Variants in MPP7 observed in about 807,000 individuals in gnomAD.
The protein encoded by MPP7 is MAGUK p55 subfamily member 7.
In MPP7, 60 loss-of-function variants were observed where a neutral mutation model predicts 76.5. The ratio of observed to expected loss-of-function variants is 0.78; its 90% CI spans 0.64 to 0.97. The LOEUF is 0.97. Among genes scored for constraint, MPP7 ranks in the 50% least tolerant of loss-of-function variants. The probability of loss-of-function intolerance (pLI) is 0.00; values close to 1 mark genes in which losing one functional copy is unlikely to be tolerated. For missense variants in MPP7, 641 were observed against 694.0 expected, an observed-to-expected ratio of 0.92 and a Z score of 0.86; for synonymous variants, 237 against 244.5, an observed-to-expected ratio of 0.97 and a Z score of 0.29.
intron 7 of MPP7, among the ~76,000 whole-genome samples, chr10:28,124,774 C>G: frequency 6.6e-6 from 1 of 152,244 alleles, no homozygotes; most frequent in Middle Eastern, 3.4e-3. Context: ...TGAGCCACCA[C>G]GCCCGGCCCA....
chr10:28,233,862 C>T (rs767958124), intron 2 of MPP7, among the ~76,000 whole-genome samples: 63 of 151,202 alleles, frequency 4.2e-4, no homozygotes, highest in Non-Finnish European at 8.5e-4. Flanking sequence ...CACAGGGTAC[C>T]CCATCTCTAC....
chr10:28,327,766 A>T (rs1564773915), intron 2 of MPP7, among the ~76,000 whole-genome samples: 1 of 152,224 alleles, frequency 6.6e-6, no homozygotes, highest in Non-Finnish European at 1.5e-5. Context: ...TGCTCAGCAC[A>T]CTAGCAGCTA....
At chr10:28,233,425 C>T (rs947119860) in intron 2 of MPP7, among the ~76,000 whole-genome samples, 107 of 152,028 alleles carry the variant, frequency 7.0e-4, no homozygotes, top group African/African-American at 2.5e-3. Flanking sequence ...AACAACACTC[C>T]GGCCGGGCGC....
rs558816840 is a variant in MPP7 at position 28,106,119 on chromosome 10, C to G, written c.952+13532G>C. ...TTCCAAAGAAATAATTTTGCTGGGCCATGGGATATCTGTATGCTTAACTTC... is the reference window on the plus strand; with the variant it reads ...TTCCAAAGAAATAATTTTGCTGGGCGATGGGATATCTGTATGCTTAACTTC... On this transcript the variant is annotated intron_variant, in intron 11 of 16. Transcript: ENST00000683449. Among the ~76,000 whole-genome samples, 39 of 152,284 alleles carry G rather than the reference C, an allele frequency of 2.6e-4. 1 individual carries two copies. The South Asian group carries it at 7.9e-3, about 31-fold the overall frequency.
intron 1 of MPP7, among the ~76,000 whole-genome samples, chr10:28,257,537 T>G (rs530482697): frequency 1.4e-4 from 19 of 136,794 alleles, no homozygotes; most frequent in Non-Finnish European, 2.6e-4. Context: ...TAGGTGGGAA[T>G]TGAACAATGA....
chr10:28,264,396 G>C (rs904670442), intron 1 of MPP7, among the ~76,000 whole-genome samples: 2 of 152,054 alleles, frequency 1.3e-5, no homozygotes, highest in African/African-American at 2.4e-5. Flanking sequence ...AAGGAAAAAT[G>C]CAAGAAATCT....
At chr10:28,288,592 A>AT (rs1322475769) in intron 1 of MPP7, among the ~76,000 whole-genome samples, 1 of 152,090 alleles carries the variant, frequency 6.6e-6, no homozygotes, top group African/African-American at 2.4e-5. Context: ...TCCCACTTAT[A>AT]TTTCTAATAT....
rs138306017 is a variant in MPP7, at chr10:28,298,088, T to C, written c.-132+4773A>G. 8.5e-4 allele frequency among the ~76,000 whole-genome samples: 130 copies of C among 152,352 alleles called. 2 individuals carry two copies. Among genetic ancestry groups the C allele is most frequent in the African/African-American group, 2.9e-3 (119 of 41,576 alleles). ...GCAGGTACTTCTTCCACTGAAGTCT[T>C]GAACCCCTCAAAGTCATCCATGAGA... On this transcript the variant is annotated intron_variant, in intron 1 of 16. Transcript: ENST00000683449.
chr10:28,109,745 C>T (rs1265116701), intron 11 of MPP7, among the ~76,000 whole-genome samples: 3 of 145,956 alleles, frequency 2.1e-5, no homozygotes, highest in Admixed American at 7.0e-5. Flanking sequence ...ATAGGTTCCA[C>T]TGTTGTTACC....
At chr10:28,156,405 G>A (rs968420377) in intron 3 of MPP7, among the ~76,000 whole-genome samples, 2 of 152,160 alleles carry the variant, frequency 1.3e-5, no homozygotes, top group African/African-American at 2.4e-5. Flanking sequence ...ACCATGTCGT[G>A]TATACATATG....
chr10:28,192,751 T>G (rs2133951227), intron 3 of MPP7, among the ~76,000 whole-genome samples: 1 of 152,324 alleles, frequency 6.6e-6, no homozygotes, highest in African/African-American at 2.4e-5. Flanking sequence ...GCAGATTATT[T>G]TGTGGATATG....
chr10:28,180,892 A>T (rs1837037273), intron 3 of MPP7, among the ~76,000 whole-genome samples: 1 of 152,204 alleles, frequency 6.6e-6, no homozygotes. Context: ...TATTGACTAA[A>T]CAAGTCATGT....
At chr10:28,199,174 C>A (rs1251022182) in intron 3 of MPP7, among the ~76,000 whole-genome samples, 1 of 151,954 alleles carries the variant, frequency 6.6e-6, no homozygotes, top group East Asian at 1.9e-4. Flanking sequence ...TGAGGGAAAC[C>A]ACCCCCCACG....
In MPP7 at chr10:28,150,025, C is replaced by A; in HGVS notation, c.191G>T (p.Ser64Ile). The A allele has an allele frequency of 6.2e-7, 1 of 1,613,714 alleles. No individual in the cohort carries two copies. The highest frequency in any genetic ancestry group is 8.5e-7 in the Non-Finnish European group (1 of 1,179,892). ...HEKLHYYEKQ[S>I]PVPILHGAAA... Reference sequence around the variant, plus strand: ...CGCACCATGGAGAATGGGCACCGGACTCTGCTTCTCATAGTAGTGTAGTTT... The same window carrying A: ...CGCACCATGGAGAATGGGCACCGGAATCTGCTTCTCATAGTAGTGTAGTTT... The change falls in exon 4 of 17, where the codon AGT becomes ATT. Residue 64 changes from serine to isoleucine, a missense_variant. Transcript: ENST00000683449.
Position 28,295,440 on chromosome 10 carries a change from C to A in MPP7, c.-132+7421G>T, listed in dbSNP as rs1354629941. On this transcript the variant is annotated intron_variant, in intron 1 of 16. Transcript: ENST00000683449. Reference sequence around the variant, plus strand: ...AAGCCATAATAGGAAGAGAAAAAAACAATATTTTGAATATCAGCAGAAGCT... The same window carrying A: ...AAGCCATAATAGGAAGAGAAAAAAAAAATATTTTGAATATCAGCAGAAGCT... Among the ~76,000 whole-genome samples, 2 of 152,042 alleles carry A rather than the reference C, an allele frequency of 1.3e-5. 1 individual carries two copies. Among genetic ancestry groups the A allele is most frequent in the Non-Finnish European group, 2.9e-5 (2 of 68,006 alleles).
intron 12 of MPP7, among the ~76,000 whole-genome samples, chr10:28,074,518 A>T (rs765559131): frequency 8.6e-5 from 13 of 152,004 alleles, no homozygotes; most frequent in Non-Finnish European, 1.5e-4. Context: ...GCTGGTCTCA[A>T]ACTCCTGGCC....
chr10:28,290,060 C>G (rs1460358233), intron 1 of MPP7, among the ~76,000 whole-genome samples: 1 of 152,222 alleles, frequency 6.6e-6, no homozygotes. Context: ...TTCAGGCCAT[C>G]CATCTGCCTC....
chr10:28,255,918 G>A (rs956335734), intron 1 of MPP7, among the ~76,000 whole-genome samples: 4 of 152,142 alleles, frequency 2.6e-5, no homozygotes, highest in African/African-American at 9.7e-5. Context: ...GGAGAGGGAA[G>A]AGACCATAGT....
At chr10:28,221,583 T>C (rs915429906) in intron 2 of MPP7, among the ~76,000 whole-genome samples, 4 of 152,124 alleles carry the variant, frequency 2.6e-5, no homozygotes, top group Non-Finnish European at 5.9e-5. Flanking sequence ...ATGAGGCGAA[T>C]CCCAATAATC....
Sources: gnomAD v4.1 joint callset for allele counts (sites outside exome capture counted in the v4.1 genomes callset) on GRCh38, gnomAD v4.1.1 for gene constraint, MANE v1.5 for transcripts, NCBI Gene and HGNC (gene_info 2026-07-23, HGNC 2026-07-21) for gene names.